Variants in PLCG2 observed in about 807,000 individuals in gnomAD.
The protein encoded by PLCG2 is 1-phosphatidylinositol 4,5-bisphosphate phosphodiesterase gamma-2.
Under a neutral mutation model 175.6 loss-of-function variants are expected in PLCG2, and 69 were observed. That is an observed-to-expected ratio of 0.39 (90% CI 0.32 to 0.48). The LOEUF (loss-of-function observed/expected upper bound fraction) is 0.48, where lower values mean the gene tolerates loss of function less well. PLCG2 is among the 20% of genes least tolerant of loss of function. The probability of loss-of-function intolerance (pLI) is 0.91; values close to 1 mark genes in which losing one functional copy is unlikely to be tolerated. For missense variants in PLCG2, 1,798 were observed against 1,650.9 expected (o/e 1.09, Z -1.54); for synonymous variants, 827 against 624.0 (o/e 1.33, Z -4.85).
At chr16:81,869,330 T>C (rs1452123597) in intron 6 of PLCG2, 32 bp downstream of exon 6, 1 of 1,477,546 alleles carries the variant, frequency 6.8e-7, no homozygotes, top group South Asian at 1.1e-5. Context: ...GGGAATTTTA[T>C]GAATGCGGAG....
upstream of PLCG2, among the ~76,000 whole-genome samples, chr16:81,775,817 A>G (rs534251476): frequency 6.6e-6 from 1 of 152,122 alleles, no homozygotes; most frequent in Admixed American, 6.5e-5. Flanking sequence ...AGATCCCTCT[A>G]CCCTTTGAGG....
At chr16:81,857,356 G>A (rs189314053) in intron 3 of PLCG2, among the ~76,000 whole-genome samples, 87 of 152,346 alleles carry the variant, frequency 5.7e-4, no homozygotes, top group African/African-American at 2.1e-3. Flanking sequence ...TGGAGTCAGT[G>A]TGCTGCCAGG....
chr16:81,927,709 C>A (rs1299448333), intron 23 of PLCG2, among the ~76,000 whole-genome samples: 3 of 152,166 alleles, frequency 2.0e-5, no homozygotes, highest in African/African-American at 7.2e-5. Context: ...TCCCGTTAGA[C>A]CCCCAGGTGT....
rs543220131 is a variant in PLCG2, at chr16:81,750,663, A to ATTTT, written c.-144-5188_-144-5185dup. ...TTAAAAAGCAGAATGGGGACTGGAG[A>ATTTT]TTTTTTTTTTTTTTTTTTTTTTGAG... On this transcript the variant is annotated intron_variant, in intron 1 of 5. Coordinates refer to the PLCG2 transcript ENST00000565054. Among the ~76,000 whole-genome samples the ATTTT allele has an allele frequency of 4.1e-4, 28 of 68,456 alleles. 5 individuals are homozygous for ATTTT. The highest frequency in any genetic ancestry group is 7.0e-4 in the South Asian group (1 of 1,432). The allele number at this position is 68,456 out of a possible 152,430, so 44.9% of individuals were successfully genotyped here. A position where few individuals can be genotyped will look rare whatever the true frequency, so the allele number is the denominator to read the frequency against.
chr16:81,803,527 C>CTCTTTGT (rs1491300745), intron 2 of PLCG2, among the ~76,000 whole-genome samples: 26 of 148,956 alleles, frequency 1.7e-4, no homozygotes, highest in Non-Finnish European at 3.3e-4. Context: ...TCTTTCTTTC[C>CTCTTTGT]TTTCTTTCTT....
chr16:81,800,523 T>C (rs1391756063), intron 2 of PLCG2, among the ~76,000 whole-genome samples: 1 of 152,198 alleles, frequency 6.6e-6, no homozygotes, highest in African/African-American at 2.4e-5. Flanking sequence ...GCTTCATCTA[T>C]GTCCCTGCGA....
intron 1 of PLCG2, among the ~76,000 whole-genome samples, chr16:81,748,206 A>G (rs1289680179): frequency 2.0e-5 from 3 of 152,160 alleles, no homozygotes; most frequent in South Asian, 4.1e-4. Flanking sequence ...CCTGGCCAAC[A>G]TGGTGAAACT....
chr16:81,849,785 A>AC lies in PLCG2; in HGVS notation c.194-4659_194-4658insC, dbSNP rs1477964197. Among the ~76,000 whole-genome samples the AC allele has an allele frequency of 2.8e-3, 300 of 108,720 alleles. 1 individual carries two copies. Among genetic ancestry groups the AC allele is most frequent in the African/African-American group, 7.6e-3 (289 of 38,240 alleles). 71.3% of individuals were successfully genotyped at this position (108,720 alleles called of 152,430 possible). On this transcript the variant is annotated intron_variant, in intron 2 of 32. Transcript: ENST00000564138. ...AAACTCTGTCTCAAAAAAAAAAAAA[A>AC]AAAAAAAAAAAACCAAAAAAATTCC...
chr16:81,872,740 G>A (rs7197685), intron 7 of PLCG2, among the ~76,000 whole-genome samples: 82,886 of 151,782 alleles, frequency 0.55, 23,346 homozygotes, highest in Middle Eastern at 0.62. Flanking sequence ...GAGTCAGGTG[G>A]CTGTGGTTTC....
intron 2 of PLCG2, among the ~76,000 whole-genome samples, chr16:81,850,677 C>G (rs1281657198): frequency 2.0e-5 from 3 of 152,132 alleles, no homozygotes; most frequent in Non-Finnish European, 4.4e-5. Flanking sequence ...CTAAAGTAGG[C>G]AGGGAGTGAT....
intron 5 of PLCG2, among the ~76,000 whole-genome samples, chr16:81,868,638 T>C (rs1007061064): frequency 6.6e-5 from 10 of 152,264 alleles, no homozygotes; most frequent in Admixed American, 2.0e-4. Context: ...CCAGGCTTCA[T>C]TGAATTTCTT....
At chr16:81,926,741 T>C (rs1910290913) in intron 22 of PLCG2, among the ~76,000 whole-genome samples, 1 of 152,208 alleles carries the variant, frequency 6.6e-6, no homozygotes, top group Non-Finnish European at 1.5e-5. Context: ...CCACCTTCTC[T>C]CTAAATTCAC....
Position 81,910,759 on chromosome 16 carries a change from C to T in PLCG2, c.1934+39C>T, listed in dbSNP as rs200135337. The T allele has an allele frequency of 2.4e-5, 37 of 1,569,122 alleles. No homozygotes were observed. The African/African-American group carries it at 2.6e-4, about 11-fold the overall frequency. ...GGTGGAGCAGGAGGCAGGCGGTGGTCGGGTTAGCTCCACCAGGCAGAGAAG... is the reference window on the plus strand; with the variant it reads ...GGTGGAGCAGGAGGCAGGCGGTGGTTGGGTTAGCTCCACCAGGCAGAGAAG... On this transcript the variant is annotated intron_variant, in intron 18 of 32. Transcript: ENST00000564138.
intron 1 of PLCG2, 107 bp downstream of exon 1, chr16:81,779,531 A>C (rs2143143919): frequency 6.6e-6 from 1 of 151,958 alleles, no homozygotes; most frequent in South Asian, 2.1e-4. Context: ...GTCCTGGCTC[A>C]GCCGGAGCGG....
chr16:81,831,069 T>A (rs1905240841), intron 2 of PLCG2, among the ~76,000 whole-genome samples: 1 of 152,198 alleles, frequency 6.6e-6, no homozygotes, highest in Admixed American at 6.5e-5. Flanking sequence ...TCAGCCCAGA[T>A]GTCACCACCT....
rs545416394 is a variant in PLCG2 at position 81,883,416 on chromosome 16, GCCTGTGCTCACCTGGTCA to G, written c.765+91_765+108del. The G allele has an allele frequency of 8.0e-4, 1,001 of 1,245,082 alleles. 1 individual carries two copies. Among genetic ancestry groups the G allele is most frequent in the Non-Finnish European group, 9.7e-4 (827 of 856,394 alleles). The allele number at this position is 1,245,082 out of a possible 1,614,324, so 77.1% of individuals were successfully genotyped here. ...TGGGGACTAGTCTCACCCTTCTGCC[GCCTGTGCTCACCTGGTCA>G]CCTGTGCTCACCTGGCCACCTGTGC... is the stretch of plus-strand genomic sequence containing the variant. On this transcript the variant is annotated intron_variant, in intron 9 of 32. Coordinates refer to ENST00000564138, the MANE Select transcript of PLCG2 (RefSeq NM_002661.5).
Position 81,946,281 on chromosome 16 carries a change from A to AGTTAAGG in PLCG2, c.3570+22_3570+28dup. ...CAGTCCTGGTGAGTGGAGAAACACC[A>AGTTAAGG]GTTAAGGGTTCCCTGAGCTATGCCT... On this transcript the variant is annotated intron_variant, in intron 31 of 32. Coordinates refer to ENST00000564138, the MANE Select transcript of PLCG2 (RefSeq NM_002661.5). The AGTTAAGG allele has an allele frequency of 2.5e-6, 4 of 1,588,582 alleles. No individual in the cohort carries two copies. Among genetic ancestry groups the AGTTAAGG allele is most frequent in the Non-Finnish European group, 3.5e-6 (4 of 1,156,834 alleles).
Position 81,789,415 on chromosome 16 carries a change from A to G in PLCG2, c.193+3233A>G, listed in dbSNP as rs116843078. Among the ~76,000 whole-genome samples the G allele has an allele frequency of 5.7e-4, 87 of 152,238 alleles. No homozygotes were observed. In the East Asian group the frequency reaches 0.013, roughly 23 times the overall value. ...AAGTGATCCTCCTGCCCAGTCTCCCAAGTAGCTGAGACTACAGGTGAGTGC... is the reference window on the plus strand; with the variant it reads ...AAGTGATCCTCCTGCCCAGTCTCCCGAGTAGCTGAGACTACAGGTGAGTGC... On this transcript the variant is annotated intron_variant, in intron 2 of 32. Transcript: ENST00000564138.
At chr16:81,860,132 T>C (rs916852886) in intron 5 of PLCG2, among the ~76,000 whole-genome samples, 19 of 148,738 alleles carry the variant, frequency 1.3e-4, no homozygotes, top group African/African-American at 4.7e-4. Context: ...TCACCATGCC[T>C]GGCTTATTTA....
Sources: gnomAD v4.1 joint callset for allele counts (sites outside exome capture counted in the v4.1 genomes callset) on GRCh38, gnomAD v4.1.1 for gene constraint, MANE v1.5 for transcripts, NCBI Gene and HGNC (gene_info 2026-07-23, HGNC 2026-07-21) for gene names.